The following PARD3 variants were observed in gnomAD, a reference collection of about 807,000 sequenced individuals.
PARD3 encodes the protein partitioning defective 3 homolog.
Under a neutral mutation model 155.4 loss-of-function variants are expected in PARD3, and 75 were observed. The observed-to-expected ratio is 0.48, with a 90% CI of 0.40 to 0.58. PARD3 has a LOEUF of 0.58. Among genes scored for constraint, PARD3 ranks in the 20% least tolerant of loss-of-function variants. The pLI is 0.00. For missense variants in PARD3, 1,642 were observed against 1,721.7 expected, an observed-to-expected ratio of 0.95 and a Z score of 0.82; for synonymous variants, 576 against 610.5, an observed-to-expected ratio of 0.94 and a Z score of 0.83.
At chr10:34,126,583 C>T (rs1947301171) in intron 23 of PARD3, among the ~76,000 whole-genome samples, 1 of 152,132 alleles carries the variant, frequency 6.6e-6, no homozygotes, top group Non-Finnish European at 1.5e-5. Context: ...AATACAGTGA[C>T]CCTTCAAGGT....
intron 22 of PARD3, among the ~76,000 whole-genome samples, chr10:34,235,070 G>A (rs999583393): frequency 6.6e-6 from 1 of 152,150 alleles, no homozygotes; most frequent in Non-Finnish European, 1.5e-5. Flanking sequence ...CCATGAATCT[G>A]ACAGTAATTA....
At chr10:34,613,645 T>C (rs2091061345) in intron 2 of PARD3, among the ~76,000 whole-genome samples, 1 of 152,058 alleles carries the variant, frequency 6.6e-6, no homozygotes, top group South Asian at 2.1e-4. Context: ...CTGCCTATTA[T>C]AAGAACAGAA....
At chr10:34,681,613 C>T (rs1590616964) in intron 2 of PARD3, among the ~76,000 whole-genome samples, 1 of 147,360 alleles carries the variant, frequency 6.8e-6, no homozygotes, top group African/African-American at 2.5e-5. Context: ...ATTTTGCTAG[C>T]ATTTTCCTTT....
intron 22 of PARD3, among the ~76,000 whole-genome samples, chr10:34,147,923 A>T (rs1289267954): frequency 6.6e-6 from 1 of 152,124 alleles, no homozygotes; most frequent in Non-Finnish European, 1.5e-5. Flanking sequence ...AGGACAGAGG[A>T]GAAAAGAATG....
chr10:34,378,222 A>C (rs1841451992), intron 9 of PARD3, 116 bp from the exon 10 acceptor site: 1 of 728,022 alleles, frequency 1.4e-6, no homozygotes, highest in South Asian at 1.9e-5. Context: ...ACAATGGTCC[A>C]CATTTCTTCT....
intron 2 of PARD3, among the ~76,000 whole-genome samples, chr10:34,532,074 C>A (rs1429979400): frequency 1.3e-5 from 2 of 152,116 alleles, no homozygotes; most frequent in Non-Finnish European, 2.9e-5. Context: ...AATATTGCAT[C>A]TTTATGGTTA....
chr10:34,602,041 T>C (rs2089827841), intron 2 of PARD3, among the ~76,000 whole-genome samples: 1 of 151,930 alleles, frequency 6.6e-6, no homozygotes, highest in South Asian at 2.1e-4. Context: ...ATTAAAATTA[T>C]AAAAAAAAGA....
intron 20 of PARD3, among the ~76,000 whole-genome samples, chr10:34,297,775 T>A (rs1470449589): frequency 1.3e-5 from 2 of 152,214 alleles, no homozygotes; most frequent in East Asian, 1.9e-4. Context: ...TTCAGAGCAG[T>A]GAGCTAGAGA....
intron 22 of PARD3, among the ~76,000 whole-genome samples, chr10:34,172,572 G>C (rs1023813606): frequency 1.3e-5 from 2 of 152,040 alleles, no homozygotes; most frequent in African/African-American, 4.8e-5. Context: ...GGTGGGGTGT[G>C]AGAGTCTGTG....
intron 13 of PARD3, among the ~76,000 whole-genome samples, chr10:34,359,560 C>A (rs1839240532): frequency 6.6e-6 from 1 of 151,974 alleles, no homozygotes; most frequent in Non-Finnish European, 1.5e-5. Flanking sequence ...ATCTGTTTAC[C>A]AAAATAGCAT....
intron 2 of PARD3, among the ~76,000 whole-genome samples, chr10:34,521,774 A>G (rs571368410): frequency 5.9e-5 from 9 of 152,356 alleles, no homozygotes; most frequent in African/African-American, 2.2e-4. Flanking sequence ...AGAAATGCTT[A>G]TAAAACCCTT....
intron 2 of PARD3, among the ~76,000 whole-genome samples, chr10:34,607,987 C>A (rs571499977): frequency 6.6e-6 from 1 of 152,304 alleles, no homozygotes; most frequent in Non-Finnish European, 1.5e-5. Flanking sequence ...AAGTGCCCTG[C>A]ACTTTCATTC....
chr10:34,277,889 A>C (rs1955965470), intron 21 of PARD3, among the ~76,000 whole-genome samples: 1 of 152,316 alleles, frequency 6.6e-6, no homozygotes, highest in Admixed American at 6.5e-5. Context: ...AAGTGAGGGT[A>C]GAATTTTTCT....
chr10:34,716,580 C>CTTTTTT (rs202195983), intron 1 of PARD3, among the ~76,000 whole-genome samples: 7 of 109,428 alleles, frequency 6.4e-5, no homozygotes, highest in Admixed American at 2.1e-4. Flanking sequence ...CCCAGGATGG[C>CTTTTTT]TTTTCTTTTT....
intron 2 of PARD3, among the ~76,000 whole-genome samples, chr10:34,659,664 T>A (rs1396017367): frequency 6.6e-6 from 1 of 152,214 alleles, no homozygotes; most frequent in African/African-American, 2.4e-5. Context: ...AATTTACATT[T>A]TTAATGTAAA....
intron 22 of PARD3, among the ~76,000 whole-genome samples, chr10:34,196,568 CTTTTT>C (rs71523319): frequency 4.1e-5 from 4 of 97,408 alleles, no homozygotes; most frequent in Admixed American, 1.2e-4. Context: ...GTACCCTTTT[CTTTTT>C]TTTTTTTTTT....
chr10:34,308,477 G>T (rs1247479063), intron 20 of PARD3, among the ~76,000 whole-genome samples: 1 of 152,170 alleles, frequency 6.6e-6, no homozygotes, highest in Non-Finnish European at 1.5e-5. Context: ...TTCTTAAACT[G>T]CTTGTGGGGC....
chr10:34,295,473 C>T (rs543550504), intron 20 of PARD3, among the ~76,000 whole-genome samples: 8 of 152,274 alleles, frequency 5.3e-5, no homozygotes, highest in African/African-American at 1.9e-4. Context: ...TGGTCTCAGT[C>T]CCTAGACAGG....
intron 5 of PARD3, among the ~76,000 whole-genome samples, chr10:34,424,052 G>A (rs1343116660): frequency 6.6e-6 from 1 of 152,016 alleles, no homozygotes; most frequent in Non-Finnish European, 1.5e-5. Context: ...TTATTTTTAA[G>A]GTCATAAATA....
Sources: allele counts gnomAD v4.1 joint callset (sites outside exome capture counted in the v4.1 genomes callset), GRCh38; gene constraint gnomAD v4.1.1; transcripts MANE v1.5; gene names NCBI Gene and HGNC (gene_info 2026-07-23, HGNC 2026-07-21).